The following ATXN1 variants were observed in gnomAD, a reference collection of about 807,000 sequenced individuals.
ATXN1 encodes ataxin-1.
A neutral mutation model predicts 56.4 loss-of-function variants in ATXN1; 8 were observed. The ratio of observed to expected loss-of-function variants is 0.14; its 90% CI spans 0.08 to 0.26. The LOEUF (loss-of-function observed/expected upper bound fraction) is 0.26, where lower values mean the gene tolerates loss of function less well. Among genes scored for constraint, ATXN1 ranks in the 10% least tolerant of loss-of-function variants. The probability of loss-of-function intolerance (pLI) is 1.00; values close to 1 mark genes in which losing one functional copy is unlikely to be tolerated. For synonymous variants in ATXN1, 514 were observed against 494.6 expected (o/e 1.04, Z -0.52); for missense variants, 987 against 1,106.5 (o/e 0.89, Z 1.53).
At chr6:16,440,075 CAA>C (rs34556179) in intron 6 of ATXN1, among the ~76,000 whole-genome samples, 3 of 111,704 alleles carry the variant, frequency 2.7e-5, no homozygotes, top group African/African-American at 3.3e-5. Context: ...GACTTCGTCT[CAA>C]AAAAAAAAAA....
chr6:16,541,214 G>A (rs1761707723), intron 4 of ATXN1, among the ~76,000 whole-genome samples: 1 of 152,172 alleles, frequency 6.6e-6, no homozygotes, highest in Non-Finnish European at 1.5e-5. Context: ...GCAGGCTGGG[G>A]ACTCACTACT....
chr6:16,324,137 G>A (rs1760748469), intron 7 of ATXN1, among the ~76,000 whole-genome samples: 1 of 151,904 alleles, frequency 6.6e-6, no homozygotes, highest in Admixed American at 6.6e-5. Flanking sequence ...TCCTCACTTG[G>A]GCATTTAAGA....
intron 5 of ATXN1, among the ~76,000 whole-genome samples, chr6:16,495,397 A>C (rs985106910): frequency 4.6e-5 from 7 of 152,208 alleles, no homozygotes; most frequent in Non-Finnish European, 8.8e-5. Flanking sequence ...CCACATATGC[A>C]TCTCCCAACC....
At chr6:16,379,894 A>G (rs970308054) in intron 6 of ATXN1, among the ~76,000 whole-genome samples, 1 of 152,242 alleles carries the variant, frequency 6.6e-6, no homozygotes, top group African/African-American at 2.4e-5. Flanking sequence ...TGGCTTAAAA[A>G]GTAAGAAAAG....
At chr6:16,493,197 C>T (rs1360414334) in intron 5 of ATXN1, among the ~76,000 whole-genome samples, 2 of 152,220 alleles carry the variant, frequency 1.3e-5, no homozygotes, top group Admixed American at 6.5e-5. Flanking sequence ...GCTTACTGAA[C>T]ATCTTCGAAA....
chr6:16,409,077 T>C (rs1384986839), intron 6 of ATXN1, among the ~76,000 whole-genome samples: 1 of 152,206 alleles, frequency 6.6e-6, no homozygotes, highest in African/African-American at 2.4e-5. Flanking sequence ...TAAGTATACC[T>C]CAGTCATTTA....
intron 6 of ATXN1, among the ~76,000 whole-genome samples, chr6:16,363,312 T>A (rs1276993536): frequency 1.3e-5 from 2 of 152,240 alleles, no homozygotes. Flanking sequence ...ATGCTAAGTA[T>A]GTGTTACATA....
chr6:16,457,999 T>C (rs930722113), intron 6 of ATXN1, among the ~76,000 whole-genome samples: 1 of 152,208 alleles, frequency 6.6e-6, no homozygotes, highest in African/African-American at 2.4e-5. Flanking sequence ...GGTATATAGA[T>C]GTCCTACAGG....
At chr6:16,466,152 T>A (rs1437034530) in intron 6 of ATXN1, among the ~76,000 whole-genome samples, 2 of 151,650 alleles carry the variant, frequency 1.3e-5, no homozygotes, top group Non-Finnish European at 2.9e-5. Context: ...CCATCTCTAC[T>A]AAAAATACAA....
intron 6 of ATXN1, among the ~76,000 whole-genome samples, chr6:16,332,339 G>A (rs929966269): frequency 6.6e-6 from 1 of 152,114 alleles, no homozygotes; most frequent in Non-Finnish European, 1.5e-5. Flanking sequence ...GGGTGATCAT[G>A]GGACTAAACA....
At chr6:16,324,063 G>A (rs1050783805) in intron 7 of ATXN1, among the ~76,000 whole-genome samples, 7 of 152,110 alleles carry the variant, frequency 4.6e-5, no homozygotes, top group South Asian at 2.1e-4. Context: ...GCAGGGCCCC[G>A]GCTTTGTGCA....
chr6:16,677,507 G>T (rs1394536433), intron 2 of ATXN1, among the ~76,000 whole-genome samples: 1 of 152,070 alleles, frequency 6.6e-6, no homozygotes. Context: ...GTTTCCAGTA[G>T]GTGCTCCACA....
chr6:16,513,132 A>G (rs236964), intron 5 of ATXN1, among the ~76,000 whole-genome samples: 68,479 of 152,060 alleles, frequency 0.45, 15,574 homozygotes, highest in Admixed American at 0.57. Flanking sequence ...AATCTCATGT[A>G]TGCATTTTTC....
rs984949673 is a variant in ATXN1 at position 16,340,973 on chromosome 6, T to A, written c.-160-12503A>T. 3.3e-5 allele frequency among the ~76,000 whole-genome samples: 5 copies of A among 152,120 alleles called. No individual in the cohort carries two copies. The South Asian group carries it at 8.3e-4, about 25-fold the overall frequency. The stretch of plus-strand genomic sequence containing the variant: ...ATACATGTAAGAAGCACTGAGTGGA[T>A]CAATTTTTGGGGTACAGAGTTCAAA... On this transcript the variant is annotated intron_variant, in intron 6 of 7. Transcript: ENST00000436367.
intron 3 of ATXN1, among the ~76,000 whole-genome samples, chr6:16,649,776 T>C (rs1375653596): frequency 6.6e-6 from 1 of 152,236 alleles, no homozygotes; most frequent in Non-Finnish European, 1.5e-5. Flanking sequence ...CCTTTCTTCT[T>C]ACCTTTGTAA....
At chr6:16,397,570 G>C (rs1758482430) in intron 6 of ATXN1, among the ~76,000 whole-genome samples, 1 of 152,150 alleles carries the variant, frequency 6.6e-6, no homozygotes, top group South Asian at 2.1e-4. Flanking sequence ...ACTTTTATCA[G>C]CACACTGCTG....
chr6:16,422,126 C>T (rs1274731065), intron 6 of ATXN1, among the ~76,000 whole-genome samples: 1 of 152,048 alleles, frequency 6.6e-6, no homozygotes, highest in African/African-American at 2.4e-5. Flanking sequence ...AGCAGAACAG[C>T]CTTAGGTTGC....
intron 6 of ATXN1, among the ~76,000 whole-genome samples, chr6:16,345,103 G>T (rs1196846357): frequency 6.6e-5 from 10 of 152,128 alleles, no homozygotes; most frequent in Admixed American, 6.6e-4. Flanking sequence ...AAAAGGCAAA[G>T]GATTTCTGGA....
At position 16,753,196 on chromosome 6, in the gene ATXN1, C is replaced by A. The variant is rs772892302; in HGVS notation, c.-615+37G>T. The A allele has an allele frequency of 3.7e-5, 17 of 456,028 alleles. No homozygotes were observed. The East Asian group carries it at 1.2e-3, about 32-fold the overall frequency. 28.2% of individuals were successfully genotyped at this position (456,028 alleles called of 1,614,324 possible). A position where few individuals can be genotyped will look rare whatever the true frequency, so the allele number is the denominator to read the frequency against. On this transcript the variant is annotated intron_variant, in intron 2 of 7. Transcript: ENST00000436367. ...CAATTTTCCAGGTCAGGACTTTATC[C>A]TCAGATGGAAAACAGAGAGCATCGC... is the stretch of plus-strand genomic sequence containing the variant.
Sources: gnomAD v4.1 joint callset for allele counts (sites outside exome capture counted in the v4.1 genomes callset) on GRCh38, gnomAD v4.1.1 for gene constraint, MANE v1.5 for transcripts, NCBI Gene and HGNC (gene_info 2026-07-23, HGNC 2026-07-21) for gene names.